The following NFIB variants were observed in gnomAD, a reference collection of about 807,000 sequenced individuals.
The protein encoded by NFIB is nuclear factor 1 B-type.
NFIB carries 11 observed loss-of-function variants against 61.5 expected under a neutral mutation model. The observed-to-expected ratio is 0.18, with a 90% CI of 0.11 to 0.30. NFIB has a LOEUF of 0.30. Among genes scored for constraint, NFIB ranks in the 10% least tolerant of loss-of-function variants. NFIB has a pLI of 1.00. For missense variants in NFIB, 471 were observed against 608.9 expected (o/e 0.77, Z 2.38); for synonymous variants, 260 against 216.5 (o/e 1.20, Z -1.76).
At chr9:14,253,870 T>C (rs1394717663) in intron 2 of NFIB, among the ~76,000 whole-genome samples, 1 of 152,114 alleles carries the variant, frequency 6.6e-6, no homozygotes, top group East Asian at 1.9e-4. Flanking sequence ...CTCCAGCACA[T>C]CATGGGTCTT....
the NFIB span, among the ~76,000 whole-genome samples, chr9:14,444,451 A>G: frequency 6.6e-6 from 1 of 152,212 alleles, no homozygotes; most frequent in Non-Finnish European, 1.5e-5. Flanking sequence ...ATAAAAATAG[A>G]GTTTTGAAAG....
intron 1 of NFIB, among the ~76,000 whole-genome samples, chr9:14,340,670 C>A (rs1014474804): frequency 1.3e-5 from 2 of 152,200 alleles, no homozygotes; most frequent in Non-Finnish European, 2.9e-5. Flanking sequence ...CTCTTCAAAC[C>A]TTTTCGTTGT....
chr9:14,379,541 A>T (rs1184148094), intron 1 of NFIB, among the ~76,000 whole-genome samples: 6 of 152,310 alleles, frequency 3.9e-5, no homozygotes, highest in African/African-American at 1.4e-4. Flanking sequence ...AACCTGACTC[A>T]TAAGGATCTC....
chr9:14,204,328 G>C lies in NFIB; in HGVS notation c.563-24548C>G, dbSNP rs933285278. The C allele has an allele frequency of 5.4e-6, 4 of 743,644 alleles. No homozygotes were observed. The Admixed American group carries it at 7.5e-5, about 14-fold the overall frequency. The allele number at this position is 743,644 out of a possible 1,614,324, so 46.1% of individuals were successfully genotyped here. On this transcript the variant is annotated intron_variant, in intron 2 of 10. Transcript: ENST00000380953. ...TGAAGAAGCAGGAGGCCAAGAAAGTGGTCAACCCCCTGTTTGAGAAAAGGC... is the reference window on the plus strand; with the variant it reads ...TGAAGAAGCAGGAGGCCAAGAAAGTCGTCAACCCCCTGTTTGAGAAAAGGC...
rs59613509 is a variant in NFIB, at chr9:14,216,534, CTCTCTCTCCCTCTGTGTGTGTGTG to C, written c.563-36778_563-36755del. Among the ~76,000 whole-genome samples, 259 of 34,512 alleles carry C rather than the reference CTCTCTCTCCCTCTGTGTGTGTGTG, an allele frequency of 7.5e-3. 1 individual carries two copies. Among genetic ancestry groups the C allele is most frequent in the African/African-American group, 0.027 (251 of 9,282 alleles). The allele number at this position is 34,512 out of a possible 152,430, so 22.6% of individuals were successfully genotyped here. ...TCTCTCTCTCTCTCTCTCTCTCTCT[CTCTCTCTCCCTCTGTGTGTGTGTG>C]TGTGTGTGTGTGTGTGTGTGTGTGT... On this transcript the variant is annotated intron_variant, in intron 2 of 10. Coordinates refer to ENST00000380953, the MANE Select transcript of NFIB (RefSeq NM_001190737.2).
the NFIB span, among the ~76,000 whole-genome samples, chr9:14,461,772 T>C: frequency 6.6e-6 from 1 of 152,242 alleles, no homozygotes; most frequent in Admixed American, 6.5e-5. Context: ...AAACCCTAAG[T>C]TGTGGAAACT....
chr9:14,328,084 C>T (rs1287164125), intron 1 of NFIB, among the ~76,000 whole-genome samples: 1 of 152,218 alleles, frequency 6.6e-6, no homozygotes, highest in African/African-American at 2.4e-5. Flanking sequence ...GTTTTAGGAA[C>T]ATACCTAAAG....
chr9:14,278,558 G>A (rs534384835), intron 2 of NFIB, among the ~76,000 whole-genome samples: 2 of 152,306 alleles, frequency 1.3e-5, no homozygotes, highest in East Asian at 3.9e-4. Context: ...AAAGAGGCGA[G>A]CCCCTGAGTG....
At chr9:14,301,723 T>C (rs1234307928) in intron 2 of NFIB, among the ~76,000 whole-genome samples, 2 of 152,188 alleles carry the variant, frequency 1.3e-5, no homozygotes, top group Non-Finnish European at 2.9e-5. Context: ...TTAAATTGTC[T>C]GTTAAAGCTA....
At chr9:14,208,389 G>A (rs537663464) in intron 2 of NFIB, among the ~76,000 whole-genome samples, 31 of 152,020 alleles carry the variant, frequency 2.0e-4, no homozygotes, top group Admixed American at 7.2e-4. Flanking sequence ...GCTAATTCAA[G>A]AAGAACTGAA....
intron 2 of NFIB, among the ~76,000 whole-genome samples, chr9:14,205,224 G>GGAAATGAA (rs2049519291): frequency 2.8e-3 from 4 of 1,422 alleles, no homozygotes; most frequent in African/African-American, 4.2e-3. Context: ...AGGGAGGGGA[G>GGAAATGAA]GGGAGGGGGA....
chr9:14,319,990 G>T (rs900778580), intron 1 of NFIB, among the ~76,000 whole-genome samples: 1 of 152,078 alleles, frequency 6.6e-6, no homozygotes, highest in East Asian at 1.9e-4. Flanking sequence ...AACTACACAA[G>T]CCAATAAATT....
chr9:14,260,286 T>A (rs1314255369), intron 2 of NFIB, among the ~76,000 whole-genome samples: 2 of 152,154 alleles, frequency 1.3e-5, no homozygotes, highest in African/African-American at 4.8e-5. Context: ...ATATCTGTAA[T>A]GCAGAGGCTG....
Position 14,271,659 on chromosome 9 carries a change from G to T in NFIB, c.562+35330C>A, listed in dbSNP as rs950244507. Among the ~76,000 whole-genome samples, 2 of 152,176 alleles carry T rather than the reference G, an allele frequency of 1.3e-5. 1 individual carries two copies. Among genetic ancestry groups the T allele is most frequent in the Non-Finnish European group, 2.9e-5 (2 of 68,040 alleles). On this transcript the variant is annotated intron_variant, in intron 2 of 10. Transcript: ENST00000380953. ...AAGTGAAACTGACGAAGAGGGATGA[G>T]GTGGTTGGCCAGATAACCACACTGC...
chr9:14,438,919 G>C, the NFIB span, among the ~76,000 whole-genome samples: 1 of 152,158 alleles, frequency 6.6e-6, no homozygotes, highest in African/African-American at 2.4e-5. Context: ...GAGTACTGGA[G>C]AGCCTGGGAA....
chr9:14,097,856 TTTTC>T lies in NFIB; in HGVS notation c.1468-9534_1468-9531del, dbSNP rs1385620120. On this transcript the variant is annotated intron_variant, in intron 10 of 10. Coordinates refer to ENST00000380953, the MANE Select transcript of NFIB (RefSeq NM_001190737.2). ...GAGCTATTACCCCCCCACACTTTTT[TTTTC>T]TTTCTTTCTTTTTTCTTTTTTTTTT... 4.7e-3 allele frequency among the ~76,000 whole-genome samples: 698 copies of T among 149,042 alleles called. 7 individuals carry two copies. Among genetic ancestry groups the T allele is most frequent in the African/African-American group, 0.016 (654 of 40,290 alleles).
Position 14,085,114 on chromosome 9 carries a change from T to C in NFIB, c.*3195A>G, listed in dbSNP as rs554387945. On this transcript the variant is annotated 3_prime_UTR_variant, in exon 11 of 11. Transcript: ENST00000380953. ...GTATCACAGAAATGATTGGACTTAC[T>C]TTTGAACTTGCACTGCTAGGATCCC... 1.2e-4 allele frequency: 28 copies of C among 229,766 alleles called. No homozygotes were observed. In the East Asian group the frequency reaches 1.7e-3, roughly 14 times the overall value. The allele number at this position is 229,766 out of a possible 1,614,324, so 14.2% of individuals were successfully genotyped here.
chr9:14,510,503 A>G, the NFIB span, among the ~76,000 whole-genome samples: 3 of 152,376 alleles, frequency 2.0e-5, no homozygotes, highest in African/African-American at 7.2e-5. Context: ...TATTAATATC[A>G]AAACCACATG....
the NFIB span, among the ~76,000 whole-genome samples, chr9:14,524,311 G>T: frequency 6.6e-6 from 1 of 151,990 alleles, no homozygotes; most frequent in Admixed American, 6.6e-5. Context: ...GCATAGAAAC[G>T]TATCAAATGT....
Sources: gnomAD v4.1 joint callset for allele counts (sites outside exome capture counted in the v4.1 genomes callset) on GRCh38, gnomAD v4.1.1 for gene constraint, MANE v1.5 for transcripts, NCBI Gene and HGNC (gene_info 2026-07-23, HGNC 2026-07-21) for gene names.